Variants in COL4A6 observed in about 807,000 individuals in gnomAD.
The protein encoded by COL4A6 is collagen alpha-6(IV) chain.
A neutral mutation model predicts 126.7 loss-of-function variants in COL4A6; 59 were observed. The observed-to-expected ratio is 0.47, with a 90% CI of 0.38 to 0.58. The LOEUF is 0.58. Ranked by LOEUF, COL4A6 falls within the 20% of genes least tolerant of loss-of-function variation. COL4A6 has a pLI of 0.00. For missense variants in COL4A6, 1,285 were observed against 1,337.3 expected, an observed-to-expected ratio of 0.96 and a Z score of 0.61; for synonymous variants, 547 against 496.6, an observed-to-expected ratio of 1.10 and a Z score of -1.35.
chrX:108,408,386 C>A (rs75773553), intron 2 of COL4A6, among the ~76,000 whole-genome samples: 2,276 of 110,879 alleles, frequency 0.021, 40 homozygotes, highest in East Asian at 0.073. Context: ...AGAAAGAAAG[C>A]AAGCTAAGTA....
At chrX:108,338,042 G>A (rs760132362) in intron 2 of COL4A6, among the ~76,000 whole-genome samples, 1 of 110,768 alleles carries the variant, frequency 9.0e-6, no homozygotes, top group African/African-American at 3.3e-5. Context: ...TTTTAATAAT[G>A]GCAGTGTTCC....
rs112026626 is a variant in COL4A6 at position 108,388,196 on chromosome X, G to A, written c.63+49746C>T. ...AATTTTCTTTTTTTGTTGTGTCTCC[G>A]CCAGGTTTTGGTATCAGGACAATGT... On this transcript the variant is annotated intron_variant, in intron 2 of 44. Coordinates refer to ENST00000334504, the MANE Select transcript of COL4A6 (RefSeq NM_033641.4). Among the ~76,000 whole-genome samples the A allele has an allele frequency of 9.0e-3, 998 of 111,366 alleles. 9 individuals are homozygous for A. The highest frequency in any genetic ancestry group is 0.03 in the African/African-American group (924 of 30,594).
At chrX:108,321,928 A>G (rs1193687325) in intron 2 of COL4A6, among the ~76,000 whole-genome samples, 1 of 111,142 alleles carries the variant, frequency 9.0e-6, no homozygotes, top group Non-Finnish European at 1.9e-5. Context: ...TTTTACAGAT[A>G]AAAAAGCTGA....
chrX:108,250,784 C>A (rs2036832543), intron 3 of COL4A6, among the ~76,000 whole-genome samples: 1 of 111,866 alleles, frequency 8.9e-6, no homozygotes, highest in Admixed American at 9.5e-5. Context: ...CCTCTGAGGT[C>A]TGGGGGAAGA....
intron 3 of COL4A6, among the ~76,000 whole-genome samples, chrX:108,250,536 C>T (rs1381597929): frequency 6.3e-5 from 7 of 110,704 alleles, no homozygotes; most frequent in Non-Finnish European, 1.3e-4. Flanking sequence ...CCTTTGTGTG[C>T]ATAGGCTCCC....
At chrX:108,255,797 C>T (rs1881073129) in intron 3 of COL4A6, among the ~76,000 whole-genome samples, 1 of 111,523 alleles carries the variant, frequency 9.0e-6, no homozygotes, top group Non-Finnish European at 1.9e-5. Context: ...TGTGCTATAA[C>T]AACATATACC....
intron 2 of COL4A6, among the ~76,000 whole-genome samples, chrX:108,352,256 G>A (rs1489924118): frequency 2.7e-5 from 3 of 112,653 alleles, no homozygotes; most frequent in Non-Finnish European, 5.6e-5. Flanking sequence ...CACTAAAGCT[G>A]TGTTGAATGT....
intron 3 of COL4A6, among the ~76,000 whole-genome samples, chrX:108,286,209 C>T (rs1477297469): frequency 7.2e-5 from 8 of 111,793 alleles, no homozygotes; most frequent in Non-Finnish European, 5.6e-5. Context: ...GAGATAAACC[C>T]GAAAGTATAT....
At chrX:108,177,545 C>A (rs991407413) in intron 27 of COL4A6, among the ~76,000 whole-genome samples, 1 of 111,611 alleles carries the variant, frequency 9.0e-6, no homozygotes. Context: ...GTTGAAAGAC[C>A]CCCTAGTGCC....
At chrX:108,262,368 G>A (rs2037187568) in intron 3 of COL4A6, among the ~76,000 whole-genome samples, 1 of 111,112 alleles carries the variant, frequency 9.0e-6, no homozygotes, top group Non-Finnish European at 1.9e-5. Context: ...CTGTATTTGT[G>A]AGGTCCTCCA....
chrX:108,262,731 A>T (rs1053767704), intron 3 of COL4A6, among the ~76,000 whole-genome samples: 26 of 111,101 alleles, frequency 2.3e-4, no homozygotes, highest in Admixed American at 2.2e-3. Context: ...GCTTCAAAAG[A>T]GACCAGTAGG....
chrX:108,326,796 TC>T (rs1434160056), intron 2 of COL4A6, among the ~76,000 whole-genome samples: 1 of 112,053 alleles, frequency 8.9e-6, no homozygotes, highest in Non-Finnish European at 1.9e-5. Context: ...AAAAATTAAC[TC>T]AAAATATATT....
chrX:108,160,775 A>C, intron 42 of COL4A6, 121 bp from the exon 43 acceptor site: 1 of 636,354 alleles, frequency 1.6e-6, no homozygotes, highest in Non-Finnish European at 2.2e-6. Context: ...CTCAATCCTC[A>C]CGATGACCCT....
intron 2 of COL4A6, among the ~76,000 whole-genome samples, chrX:108,348,889 A>G (rs1180626757): frequency 9.0e-6 from 1 of 111,637 alleles, no homozygotes; most frequent in Non-Finnish European, 1.9e-5. Flanking sequence ...AGCTTGGAAC[A>G]ATACTCAGGG....
chrX:108,390,481 A>G (rs1320978663), intron 2 of COL4A6, among the ~76,000 whole-genome samples: 1 of 107,059 alleles, frequency 9.3e-6, no homozygotes, highest in Admixed American at 1.0e-4. Context: ...CATTGAGTTG[A>G]TCTTCAATCT....
chrX:108,213,485 G>A (rs192457323), intron 6 of COL4A6, among the ~76,000 whole-genome samples: 106 of 112,037 alleles, frequency 9.5e-4, no homozygotes, highest in Non-Finnish European at 1.6e-3. Flanking sequence ...CATAACCAAG[G>A]GTTATGATGT....
At chrX:108,204,269 A>T in intron 12 of COL4A6, 51 bp downstream of exon 12, 1 of 932,597 alleles carries the variant, frequency 1.1e-6, no homozygotes, top group African/African-American at 2.0e-5. Flanking sequence ...CTTGTATTAT[A>T]ATTATAGGAA....
intron 2 of COL4A6, among the ~76,000 whole-genome samples, chrX:108,375,500 ACT>A (rs1347009210): frequency 1.8e-5 from 2 of 110,042 alleles, no homozygotes; most frequent in African/African-American, 6.6e-5. Context: ...TGTTTTTAAT[ACT>A]CTTTTTGGAT....
chrX:108,197,577 C>T (rs995750451), intron 13 of COL4A6, among the ~76,000 whole-genome samples: 9 of 111,652 alleles, frequency 8.1e-5, no homozygotes, highest in Non-Finnish European at 1.5e-4. Flanking sequence ...TGTGACCTGG[C>T]TCACCTGCTC....
Sources: gnomAD v4.1 joint callset for allele counts (sites outside exome capture counted in the v4.1 genomes callset) on GRCh38, gnomAD v4.1.1 for gene constraint, MANE v1.5 for transcripts, NCBI Gene and HGNC (gene_info 2026-07-23, HGNC 2026-07-21) for gene names.